ZEB1: variants seen among roughly 807,000 people sequenced by gnomAD.
ZEB1 encodes zinc finger E-box-binding homeobox 1.
ZEB1 carries 21 observed loss-of-function variants against 84.9 expected under a neutral mutation model. The observed-to-expected ratio is 0.25, with a 90% CI of 0.18 to 0.36. The LOEUF is 0.36. Ranked by LOEUF, ZEB1 falls within the 10% of genes least tolerant of loss-of-function variation. ZEB1 has a pLI of 1.00. For missense variants in ZEB1, 1,104 were observed against 1,330.2 expected, an observed-to-expected ratio of 0.83 and a Z score of 2.65; for synonymous variants, 420 against 471.1, an observed-to-expected ratio of 0.89 and a Z score of 1.41.
intron 1 of ZEB1, among the ~76,000 whole-genome samples, chr10:31,333,737 T>A (rs904099176): frequency 2.6e-5 from 4 of 151,992 alleles, no homozygotes; most frequent in Non-Finnish European, 5.9e-5. Context: ...GCATATGAGT[T>A]GAAAAAATCC....
chr10:31,422,792 A>G (rs923258977), intron 1 of ZEB1, among the ~76,000 whole-genome samples: 5 of 152,070 alleles, frequency 3.3e-5, no homozygotes, highest in African/African-American at 1.2e-4. Context: ...ATAGTGCCCA[A>G]TAGGTACCTT....
chr10:31,435,834 C>G (rs1219301270), intron 1 of ZEB1, among the ~76,000 whole-genome samples: 3 of 152,072 alleles, frequency 2.0e-5, no homozygotes, highest in African/African-American at 7.2e-5. Flanking sequence ...AAAGATCACC[C>G]CGGCTGCTGT....
rs140087221 is a variant in ZEB1 at position 31,324,553 on chromosome 10, A to G, written c.58+5261A>G. Among the ~76,000 whole-genome samples, 1,370 of 152,144 alleles carry G rather than the reference A, an allele frequency of 9.0e-3. 7 individuals are homozygous for G. Among genetic ancestry groups the G allele is most frequent in the Non-Finnish European group, 0.014 (949 of 67,890 alleles). ...AGAAAAATCATGCAGATGTTGGAAG[A>G]AGATATGCATTAGTGTGCAAGAGTA... On this transcript the variant is annotated intron_variant, in intron 1 of 8. Transcript: ENST00000424869.
At chr10:31,406,317 A>G (rs2053014438) in intron 1 of ZEB1, among the ~76,000 whole-genome samples, 1 of 152,190 alleles carries the variant, frequency 6.6e-6, no homozygotes, top group African/African-American at 2.4e-5. Context: ...CCAACAGTGT[A>G]AAAGCATTCT....
At chr10:31,453,536 A>G (rs1396661119) in intron 1 of ZEB1, among the ~76,000 whole-genome samples, 1 of 152,184 alleles carries the variant, frequency 6.6e-6, no homozygotes, top group African/African-American at 2.4e-5. Flanking sequence ...AGAAACAGAT[A>G]TTTACATGAG....
At chr10:31,482,023 T>G (rs1340150650) in intron 2 of ZEB1, among the ~76,000 whole-genome samples, 2 of 152,068 alleles carry the variant, frequency 1.3e-5, no homozygotes, top group African/African-American at 2.4e-5. Context: ...ATTTTTTGCA[T>G]AATTTTGAAG....
intron 1 of ZEB1, among the ~76,000 whole-genome samples, chr10:31,379,890 T>C (rs376750398): frequency 6.6e-6 from 1 of 152,186 alleles, no homozygotes; most frequent in African/African-American, 2.4e-5. Flanking sequence ...GTCTTTTCAC[T>C]CCTGCATTCT....
chr10:31,407,909 G>T (rs1052841517), intron 1 of ZEB1, among the ~76,000 whole-genome samples: 2 of 149,146 alleles, frequency 1.3e-5, no homozygotes, highest in African/African-American at 5.0e-5. Context: ...TTAGGCAGGA[G>T]AAGGAAATAA....
At chr10:31,392,237 A>G (rs2049877308) in intron 1 of ZEB1, among the ~76,000 whole-genome samples, 1 of 152,204 alleles carries the variant, frequency 6.6e-6, no homozygotes, top group Non-Finnish European at 1.5e-5. Context: ...GATTAAAAAG[A>G]AAAGGAATTA....
At chr10:31,483,458 A>G (rs2065322177) in intron 2 of ZEB1, among the ~76,000 whole-genome samples, 1 of 152,042 alleles carries the variant, frequency 6.6e-6, no homozygotes, top group South Asian at 2.1e-4. Flanking sequence ...ATACATATAC[A>G]TTAAATATGA....
chr10:31,478,040 C>A (rs2064492970), intron 2 of ZEB1, among the ~76,000 whole-genome samples: 1 of 151,860 alleles, frequency 6.6e-6, no homozygotes, highest in Non-Finnish European at 1.5e-5. Context: ...AAAGCCTGTT[C>A]ACAGCAAAAG....
chr10:31,392,199 G>A (rs933703221), intron 1 of ZEB1, among the ~76,000 whole-genome samples: 1 of 152,116 alleles, frequency 6.6e-6, no homozygotes, highest in African/African-American at 2.4e-5. Context: ...AATAAAGTAT[G>A]AGGCTATGTG....
At chr10:31,509,375 G>A (rs2069571217) in intron 4 of ZEB1, among the ~76,000 whole-genome samples, 2 of 152,164 alleles carry the variant, frequency 1.3e-5, no homozygotes, top group Non-Finnish European at 2.9e-5. Context: ...TCCCTGCATT[G>A]GAGAGCCTTT....
At chr10:31,504,619 T>C (rs1359580680) in intron 4 of ZEB1, among the ~76,000 whole-genome samples, 1 of 152,122 alleles carries the variant, frequency 6.6e-6, no homozygotes, top group Non-Finnish European at 1.5e-5. Context: ...TTGTGTCTTC[T>C]TCAATTTCTT....
intron 1 of ZEB1, among the ~76,000 whole-genome samples, chr10:31,383,117 C>T (rs934996224): frequency 6.6e-6 from 1 of 151,412 alleles, no homozygotes; most frequent in East Asian, 1.9e-4. Flanking sequence ...AAATGCCCAG[C>T]TTAAAAACTA....
At chr10:31,409,305 A>C (rs996693996) in intron 1 of ZEB1, among the ~76,000 whole-genome samples, 67 of 152,220 alleles carry the variant, frequency 4.4e-4, no homozygotes, top group African/African-American at 1.4e-3. Flanking sequence ...GTGGGACTGT[A>C]AACTAGTTCA....
intron 1 of ZEB1, among the ~76,000 whole-genome samples, chr10:31,325,048 T>C (rs969692426): frequency 6.6e-6 from 1 of 152,062 alleles, no homozygotes; most frequent in African/African-American, 2.4e-5. Context: ...AAAATTTCAA[T>C]ATGTTATGAG....
At position 31,528,826 on chromosome 10, in the gene ZEB1, T is replaced by C. The variant is rs1834626679; in HGVS notation, c.*1562T>C. 6.6e-6 allele frequency: 1 copy of C among 152,182 alleles called. No homozygotes were observed. Among genetic ancestry groups the C allele is most frequent in the South Asian group, 2.1e-4 (1 of 4,830 alleles). The allele number at this position is 152,182 out of a possible 1,614,324, so 9.4% of individuals were successfully genotyped here. A position where few individuals can be genotyped will look rare whatever the true frequency, so the allele number is the denominator to read the frequency against. On this transcript the variant is annotated 3_prime_UTR_variant, in exon 9 of 9. Transcript: ENST00000424869. ...GTTATGTTAACATTTATACTTGCCTTGGACTGTAGAACAGAACTTAAATGG... is the reference window on the plus strand; with the variant it reads ...GTTATGTTAACATTTATACTTGCCTCGGACTGTAGAACAGAACTTAAATGG...
chr10:31,450,964 A>G (rs990574062), intron 1 of ZEB1, among the ~76,000 whole-genome samples: 23 of 152,058 alleles, frequency 1.5e-4, no homozygotes, highest in African/African-American at 5.3e-4. Context: ...TTTAATTATT[A>G]TGTTGACTTC....
Sources: allele counts gnomAD v4.1 joint callset (sites outside exome capture counted in the v4.1 genomes callset), GRCh38; gene constraint gnomAD v4.1.1; transcripts MANE v1.5; gene names NCBI Gene and HGNC (gene_info 2026-07-23, HGNC 2026-07-21).